Variants in MACROD2 observed in about 807,000 individuals in gnomAD.
MACROD2 encodes ADP-ribose glycohydrolase MACROD2.
MACROD2 carries 36 observed loss-of-function variants against 70.4 expected under a neutral mutation model. The observed-to-expected ratio is 0.51, with a 90% CI of 0.39 to 0.68. The LOEUF (loss-of-function observed/expected upper bound fraction) is 0.68. MACROD2 is among the 30% of genes least tolerant of loss of function. The pLI is 0.00. For missense variants in MACROD2, 496 were observed against 538.4 expected (o/e 0.92, Z 0.78); for synonymous variants, 172 against 178.8 (o/e 0.96, Z 0.30).
At chr20:14,699,158 G>C (rs992907383) in intron 5 of MACROD2, among the ~76,000 whole-genome samples, 4 of 152,142 alleles carry the variant, frequency 2.6e-5, no homozygotes, top group African/African-American at 9.7e-5. Flanking sequence ...CTCATGAATT[G>C]ATAGTGAGGT....
intron 8 of MACROD2, among the ~76,000 whole-genome samples, chr20:15,780,889 A>C (rs749551297): frequency 6.6e-6 from 1 of 152,008 alleles, no homozygotes; most frequent in Admixed American, 6.6e-5. Context: ...GTGTGGGTAG[A>C]TGGTGACATT....
chr20:14,817,440 A>G (rs1023113946), intron 5 of MACROD2, among the ~76,000 whole-genome samples: 3 of 152,118 alleles, frequency 2.0e-5, no homozygotes, highest in Admixed American at 2.0e-4. Context: ...TCTTATCAGT[A>G]TGAGAATACA....
intron 9 of MACROD2, among the ~76,000 whole-genome samples, chr20:15,864,879 G>A (rs959425218): frequency 3.3e-5 from 5 of 152,086 alleles, no homozygotes; most frequent in African/African-American, 9.7e-5. Context: ...TTTCTGCAAT[G>A]TTGAAGCATT....
At chr20:14,883,574 G>T (rs1300361455) in intron 5 of MACROD2, among the ~76,000 whole-genome samples, 7 of 149,148 alleles carry the variant, frequency 4.7e-5, no homozygotes, top group African/African-American at 1.7e-4. Context: ...CACTTGAAAT[G>T]AACTGTCTAT....
At chr20:15,020,226 C>A (rs533603019) in intron 5 of MACROD2, among the ~76,000 whole-genome samples, 1 of 152,080 alleles carries the variant, frequency 6.6e-6, no homozygotes, top group Non-Finnish European at 1.5e-5. Flanking sequence ...TTTCCCAAGT[C>A]CTCACCTGAA....
rs1438531179 is a variant in MACROD2, at chr20:14,940,088, A to C, written c.418+255129A>C. On this transcript the variant is annotated intron_variant, in intron 5 of 17. Coordinates refer to ENST00000684519, the MANE Select transcript of MACROD2 (RefSeq NM_001351661.2). ...CAAAAACCTAAACCTGAACAAGGCT[A>C]ATTTGACTTTTTTCTTTCCAGTTTG... is the stretch of plus-strand genomic sequence containing the variant. 1.0e-4 allele frequency among the ~76,000 whole-genome samples: 15 copies of C among 143,604 alleles called. No individual in the cohort carries two copies. The Admixed American group carries it at 1.1e-3, about 11-fold the overall frequency. The allele number at this position is 143,604 out of a possible 152,430, so 94.2% of individuals were successfully genotyped here. A position where few individuals can be genotyped will look rare whatever the true frequency, so the allele number is the denominator to read the frequency against.
In MACROD2 at chr20:15,051,338, ATGTGTGTGTGTGTGTGTGTG is replaced by A. The variant is rs6147297; in HGVS notation, c.419-178560_419-178541del. Among the ~76,000 whole-genome samples the A allele has an allele frequency of 5.2e-3, 671 of 129,434 alleles. 8 individuals carry two copies. The highest frequency in any genetic ancestry group is 0.016 in the Middle Eastern group (4 of 248). The allele number at this position is 129,434 out of a possible 152,430, so 84.9% of individuals were successfully genotyped here. A position where few individuals can be genotyped will look rare whatever the true frequency, so the allele number is the denominator to read the frequency against. On this transcript the variant is annotated intron_variant, in intron 5 of 17. Transcript: ENST00000684519. Reference sequence around the variant, plus strand: ...CTACAGAACCAGAAATCAGTAGGAGATGTGTGTGTGTGTGTGTGTGTGTGTGTGTGTGTGTGTGTGTGTGT... The same window carrying A: ...CTACAGAACCAGAAATCAGTAGGAGATGTGTGTGTGTGTGTGTGTGTGTGT...
intron 6 of MACROD2, among the ~76,000 whole-genome samples, chr20:15,245,558 A>T (rs892402686): frequency 6.6e-6 from 1 of 152,184 alleles, no homozygotes; most frequent in African/African-American, 2.4e-5. Flanking sequence ...TCCCTTACTT[A>T]TGATTTTTTA....
chr20:14,012,574 T>G (rs921112856), intron 2 of MACROD2, among the ~76,000 whole-genome samples: 5 of 152,226 alleles, frequency 3.3e-5, no homozygotes, highest in African/African-American at 1.2e-4. Flanking sequence ...GCTGCAGACC[T>G]AAATATCAAG....
chr20:15,166,668 T>G (rs1020038424), intron 5 of MACROD2, among the ~76,000 whole-genome samples: 32 of 151,876 alleles, frequency 2.1e-4, no homozygotes, highest in African/African-American at 7.7e-4. Flanking sequence ...TTCAAACAAA[T>G]TACAGATAAA....
chr20:14,014,242 C>CCA (rs2052956440), intron 2 of MACROD2, among the ~76,000 whole-genome samples: 1 of 147,132 alleles, frequency 6.8e-6, no homozygotes, highest in Non-Finnish European at 1.5e-5. Context: ...CCCCCACCCC[C>CCA]AATAATTTTT....
At chr20:15,804,482 A>T (rs968021118) in intron 8 of MACROD2, among the ~76,000 whole-genome samples, 3 of 152,232 alleles carry the variant, frequency 2.0e-5, no homozygotes, top group African/African-American at 7.2e-5. Context: ...CATTTGAATA[A>T]CATTTTATAG....
At chr20:16,049,631 T>C (rs1020716197) in intron 17 of MACROD2, among the ~76,000 whole-genome samples, 199 bp from the exon 18 acceptor site, 3 of 152,150 alleles carry the variant, frequency 2.0e-5, no homozygotes, top group African/African-American at 7.2e-5. Flanking sequence ...TTAACAGTGA[T>C]TTATATGCTC....
intron 6 of MACROD2, among the ~76,000 whole-genome samples, chr20:15,363,589 C>T (rs976156214): frequency 2.0e-5 from 3 of 152,134 alleles, no homozygotes; most frequent in African/African-American, 7.2e-5. Context: ...CTGCACTGTG[C>T]ATCATTTGAC....
chr20:14,970,634 T>A (rs543177294), intron 5 of MACROD2, among the ~76,000 whole-genome samples: 10 of 151,760 alleles, frequency 6.6e-5, no homozygotes, highest in African/African-American at 2.2e-4. Context: ...ATTAAATTTT[T>A]TAAAAAATTT....
At chr20:15,916,113 T>C (rs2065310721) in intron 10 of MACROD2, among the ~76,000 whole-genome samples, 1 of 152,192 alleles carries the variant, frequency 6.6e-6, no homozygotes, top group South Asian at 2.1e-4. Flanking sequence ...GATATATCTG[T>C]GTAACATATT....
intron 3 of MACROD2, among the ~76,000 whole-genome samples, chr20:14,303,933 C>T (rs1289100143): frequency 1.3e-5 from 2 of 151,922 alleles, no homozygotes; most frequent in African/African-American, 2.4e-5. Flanking sequence ...TCAACATCTA[C>T]ATTAGTGCCC....
intron 2 of MACROD2, among the ~76,000 whole-genome samples, chr20:14,007,530 A>G (rs965414492): frequency 6.6e-6 from 1 of 152,190 alleles, no homozygotes. Flanking sequence ...TAAAATACAT[A>G]GAATTACTAA....
At chr20:14,559,354 C>T (rs1430490636) in intron 4 of MACROD2, among the ~76,000 whole-genome samples, 6 of 151,590 alleles carry the variant, frequency 4.0e-5, no homozygotes, top group Non-Finnish European at 8.9e-5. Context: ...TACATAAAAA[C>T]ATTCTAGCTA....
Sources: gnomAD v4.1 joint callset for allele counts (sites outside exome capture counted in the v4.1 genomes callset) on GRCh38, gnomAD v4.1.1 for gene constraint, MANE v1.5 for transcripts, NCBI Gene and HGNC (gene_info 2026-07-23, HGNC 2026-07-21) for gene names.